The following SYT6 variants were observed in gnomAD, a reference collection of about 807,000 sequenced individuals.
SYT6 encodes the protein synaptotagmin 6, also known as synaptotagmin-6.
SYT6 carries 24 observed loss-of-function variants against 38.4 expected under a neutral mutation model. That is an observed-to-expected ratio of 0.62 (90% CI 0.45 to 0.88). The LOEUF is 0.88. Among genes scored for constraint, SYT6 ranks in the 40% least tolerant of loss-of-function variants. The pLI, the probability that SYT6 is intolerant of heterozygous loss-of-function variation, is 0.00. For missense variants in SYT6, 611 were observed against 621.0 expected (o/e 0.98, Z 0.17); for synonymous variants, 265 against 241.9 (o/e 1.10, Z -0.89).
chr1:114,097,979 C>T (rs1362978635), intron 5 of SYT6, 102 bp from the exon 6 acceptor site: 3 of 1,347,408 alleles, frequency 2.2e-6, no homozygotes, highest in East Asian at 4.7e-5. Flanking sequence ...GGGTCTAACT[C>T]AGAACTCTGA....
intron 3 of SYT6, among the ~76,000 whole-genome samples, chr1:114,104,192 G>A (rs1297927615): frequency 6.6e-6 from 1 of 152,198 alleles, no homozygotes; most frequent in Admixed American, 6.5e-5. Flanking sequence ...TCTCCCAGCA[G>A]GTCCATGATT....
At chr1:114,119,519 C>A (rs923648762) in intron 3 of SYT6, among the ~76,000 whole-genome samples, 2 of 152,238 alleles carry the variant, frequency 1.3e-5, no homozygotes, top group East Asian at 1.9e-4. Context: ...TTAATCCTCA[C>A]AATAACCTTA....
At position 114,091,914 on chromosome 1, in the gene SYT6, T is replaced by A; in HGVS notation, c.*220A>T. 1 of 1,288,158 alleles carries A rather than the reference T, an allele frequency of 7.8e-7. No individual in the cohort carries two copies. The highest frequency in any genetic ancestry group is 2.5e-5 in the East Asian group (1 of 39,488). 79.8% of individuals were successfully genotyped at this position (1,288,158 alleles called of 1,614,324 possible). A position where few individuals can be genotyped will look rare whatever the true frequency, so the allele number is the denominator to read the frequency against. ...CTCTGGAGTGACGGACGGCTGCCGCTGCTGCCGCCACTGCGACTGCACAAC... is the reference window on the plus strand; with the variant it reads ...CTCTGGAGTGACGGACGGCTGCCGCAGCTGCCGCCACTGCGACTGCACAAC... On this transcript the variant is annotated 3_prime_UTR_variant, in exon 8 of 8. Coordinates refer to ENST00000610222, the MANE Select transcript of SYT6 (RefSeq NM_001253772.2).
chr1:114,145,696 C>T (rs1342757231), intron 1 of SYT6, among the ~76,000 whole-genome samples: 31 of 152,102 alleles, frequency 2.0e-4, no homozygotes, highest in Non-Finnish European at 2.9e-5. Context: ...TGGATGCATT[C>T]TCTGCAATAT....
intron 3 of SYT6, among the ~76,000 whole-genome samples, chr1:114,131,588 G>A (rs1437038465): frequency 6.6e-6 from 1 of 152,178 alleles, no homozygotes; most frequent in East Asian, 1.9e-4. Context: ...TTGGGGACTT[G>A]GGGGCACAGG....
chr1:114,092,152 T>C, intron 7 of SYT6, 70 bp from the exon 8 acceptor site: 6 of 1,419,692 alleles, frequency 4.2e-6, no homozygotes, highest in Non-Finnish European at 5.7e-6. Context: ...AAAACTGAAC[T>C]GGCCCAATGC....
rs1258218275 is a variant in SYT6, at chr1:114,118,813, A to C, written c.1072-15092T>G. On this transcript the variant is annotated intron_variant, in intron 3 of 7. Transcript: ENST00000610222. ...GACAGAGCCATCTCCTGTCGGTGTC[A>C]GCTGAGGCAACGCTTCCTCAAGGGG... is the stretch of plus-strand genomic sequence containing the variant. Among the ~76,000 whole-genome samples the C allele has an allele frequency of 2.6e-5, 4 of 152,138 alleles. No homozygotes were observed. The South Asian group carries it at 8.3e-4, about 32-fold the overall frequency.
intron 3 of SYT6, among the ~76,000 whole-genome samples, chr1:114,129,032 C>A (rs1463228072): frequency 6.6e-6 from 1 of 152,190 alleles, no homozygotes; most frequent in Non-Finnish European, 1.5e-5. Context: ...CAAAAGGTAT[C>A]TCAAATATGA....
At chr1:114,122,977 C>A (rs907289711) in intron 3 of SYT6, among the ~76,000 whole-genome samples, 1 of 152,226 alleles carries the variant, frequency 6.6e-6, no homozygotes, top group Admixed American at 6.5e-5. Flanking sequence ...AGAATCCTGA[C>A]TCACACCTCC....
intron 3 of SYT6, among the ~76,000 whole-genome samples, chr1:114,119,586 T>C (rs114943954): frequency 6.2e-4 from 95 of 152,266 alleles, no homozygotes; most frequent in African/African-American, 2.2e-3. Context: ...CATGGAGATA[T>C]TACGTTAAAG....
intron 3 of SYT6, among the ~76,000 whole-genome samples, chr1:114,131,312 T>C (rs933114157): frequency 6.6e-6 from 1 of 152,176 alleles, no homozygotes; most frequent in Non-Finnish European, 1.5e-5. Context: ...CTTCCCCAAG[T>C]CCAAAGAGAA....
chr1:114,105,038 G>T (rs777094364), intron 3 of SYT6, among the ~76,000 whole-genome samples: 2 of 151,246 alleles, frequency 1.3e-5, no homozygotes, highest in Admixed American at 1.3e-4. Context: ...CCATCTTTAC[G>T]AGTGGAGCTT....
chr1:114,139,522 C>A, intron 2 of SYT6, 93 bp downstream of exon 2: 1 of 1,525,020 alleles, frequency 6.6e-7, no homozygotes, highest in South Asian at 1.3e-5. Flanking sequence ...GTTATTATTT[C>A]TGGTCTGTGA....
At chr1:114,145,502 G>GTTTTTTTTTTTTTTTTTTTTTTTTTT (rs752982644) in intron 1 of SYT6, among the ~76,000 whole-genome samples, 3 of 111,628 alleles carry the variant, frequency 2.7e-5, no homozygotes, top group African/African-American at 3.7e-5. Context: ...GAGGTATTAA[G>GTTTTTTTTTTTTTTTTTTTTTTTTTT]TTTTTTTTTT....
intron 4 of SYT6, among the ~76,000 whole-genome samples, chr1:114,102,427 C>T (rs975007018): frequency 2.6e-5 from 4 of 152,136 alleles, no homozygotes; most frequent in African/African-American, 7.2e-5. Context: ...TTTTCAAGGC[C>T]TGATACCTCC....
chr1:114,126,008 C>A (rs1267648637), intron 3 of SYT6, among the ~76,000 whole-genome samples: 2 of 152,082 alleles, frequency 1.3e-5, no homozygotes, highest in Admixed American at 1.3e-4. Flanking sequence ...GAGAGGCTCA[C>A]AGGCACAGGA....
intron 3 of SYT6, among the ~76,000 whole-genome samples, chr1:114,106,768 G>A (rs1384058677): frequency 6.6e-6 from 1 of 151,752 alleles, no homozygotes; most frequent in Non-Finnish European, 1.5e-5. Context: ...CATCTCTCCC[G>A]AACACCCCTG....
chr1:114,144,185 G>A (rs1679038343), intron 1 of SYT6, among the ~76,000 whole-genome samples: 1 of 152,182 alleles, frequency 6.6e-6, no homozygotes, highest in Admixed American at 6.5e-5. Context: ...CCCACATGGT[G>A]GGAACTGGTG....
intron 3 of SYT6, among the ~76,000 whole-genome samples, chr1:114,110,714 G>A (rs1462214479): frequency 6.6e-6 from 1 of 152,162 alleles, no homozygotes; most frequent in Admixed American, 6.5e-5. Flanking sequence ...GGCCTCCACA[G>A]CTACTCAGTT....
Sources: gnomAD v4.1 joint callset for allele counts (sites outside exome capture counted in the v4.1 genomes callset) on GRCh38, gnomAD v4.1.1 for gene constraint, MANE v1.5 for transcripts, NCBI Gene and HGNC (gene_info 2026-07-23, HGNC 2026-07-21) for gene names.